The following TAFA4 variants were observed in gnomAD, a reference collection of about 807,000 sequenced individuals.
TAFA4 encodes the protein TAFA chemokine like family member 4.
Under a neutral mutation model 21.1 loss-of-function variants are expected in TAFA4, and 20 were observed. The observed-to-expected ratio is 0.95, with a 90% CI of 0.67 to 1.38. The LOEUF (loss-of-function observed/expected upper bound fraction) is 1.38. Among genes scored for constraint, TAFA4 ranks in the 40% most tolerant of loss-of-function variants. The pLI, the probability that TAFA4 is intolerant of heterozygous loss-of-function variation, is 0.00. For missense variants in TAFA4, 211 were observed against 180.9 expected (o/e 1.17, Z -0.95); for synonymous variants, 71 against 67.4 (o/e 1.05, Z -0.26).
chr3:68,764,770 T>A (rs1702817239), intron 3 of TAFA4, among the ~76,000 whole-genome samples: 1 of 152,108 alleles, frequency 6.6e-6, no homozygotes, highest in Non-Finnish European at 1.5e-5. Flanking sequence ...GGAGAGGAAA[T>A]CAAATGAAGT....
At chr3:68,841,774 C>T (rs1209568749) in intron 3 of TAFA4, among the ~76,000 whole-genome samples, 1 of 152,028 alleles carries the variant, frequency 6.6e-6, no homozygotes, top group African/African-American at 2.4e-5. Context: ...TCAACTCCCA[C>T]TTATGAGTGA....
At chr3:68,858,612 C>T (rs944425754) in intron 3 of TAFA4, among the ~76,000 whole-genome samples, 1 of 96,572 alleles carries the variant, frequency 1.0e-5, no homozygotes, top group Non-Finnish European at 2.2e-5. Flanking sequence ...GTGTGTGTGT[C>T]TTTAAGGCGT....
intron 1 of TAFA4, among the ~76,000 whole-genome samples, chr3:68,897,635 A>T (rs1227196990): frequency 1.4e-5 from 2 of 144,732 alleles, no homozygotes; most frequent in African/African-American, 5.1e-5. Flanking sequence ...TCAAAAAAAA[A>T]AAATATTTAT....
intron 3 of TAFA4, among the ~76,000 whole-genome samples, chr3:68,806,283 G>A (rs7640227): frequency 0.014 from 2,194 of 152,234 alleles, 49 homozygotes; most frequent in African/African-American, 0.05. Flanking sequence ...GTAGATAGAA[G>A]AAGAGACAGT....
At chr3:68,804,724 T>C (rs565521525) in intron 3 of TAFA4, among the ~76,000 whole-genome samples, 5 of 152,182 alleles carry the variant, frequency 3.3e-5, no homozygotes, top group South Asian at 4.1e-4. Context: ...ATTTAATAAA[T>C]GGTGCTGGGA....
chr3:68,744,102 C>T (rs904084884), intron 4 of TAFA4, among the ~76,000 whole-genome samples: 3 of 152,204 alleles, frequency 2.0e-5, no homozygotes, highest in African/African-American at 7.2e-5. Context: ...GTCTTCAAAA[C>T]TCTTCCTCAG....
intron 3 of TAFA4, among the ~76,000 whole-genome samples, chr3:68,777,737 G>C (rs191889372): frequency 6.6e-6 from 1 of 152,068 alleles, no homozygotes; most frequent in African/African-American, 2.4e-5. Flanking sequence ...TGTATCTGTC[G>C]ATGACAGACG....
intron 5 of TAFA4, among the ~76,000 whole-genome samples, chr3:68,737,868 C>G (rs1179433274): frequency 2.6e-5 from 4 of 152,072 alleles, no homozygotes; most frequent in African/African-American, 4.8e-5. Flanking sequence ...CAATGAGAAC[C>G]AAAGACTCAC....
At chr3:68,861,598 G>T (rs1023711268) in intron 3 of TAFA4, among the ~76,000 whole-genome samples, 2 of 151,950 alleles carry the variant, frequency 1.3e-5, no homozygotes, top group Non-Finnish European at 2.9e-5. Context: ...AAGCACCCAA[G>T]GTGCTGCCTG....
intron 3 of TAFA4, among the ~76,000 whole-genome samples, chr3:68,772,205 T>G (rs1236002944): frequency 1.3e-5 from 2 of 152,310 alleles, no homozygotes; most frequent in Admixed American, 1.3e-4. Flanking sequence ...ATCAGATGAT[T>G]GGTAAATGAG....
intron 4 of TAFA4, among the ~76,000 whole-genome samples, chr3:68,742,347 A>T (rs1234610579): frequency 1.3e-5 from 2 of 152,236 alleles, no homozygotes; most frequent in Non-Finnish European, 2.9e-5. Flanking sequence ...GAAAGGAAGA[A>T]GTTAAATTTT....
chr3:68,823,192 G>A (rs115269056), intron 3 of TAFA4, among the ~76,000 whole-genome samples: 2,309 of 152,072 alleles, frequency 0.015, 58 homozygotes, highest in African/African-American at 0.053. Context: ...GGGGAAATGG[G>A]GTGCTGAACT....
intron 1 of TAFA4, among the ~76,000 whole-genome samples, chr3:68,889,475 A>G (rs902364784): frequency 6.6e-6 from 1 of 152,184 alleles, no homozygotes; most frequent in Admixed American, 6.5e-5. Context: ...TGGTGAGGTG[A>G]ATTCCCTCAG....
intron 3 of TAFA4, among the ~76,000 whole-genome samples, chr3:68,835,719 G>A (rs778256758): frequency 6.6e-6 from 1 of 152,192 alleles, no homozygotes; most frequent in African/African-American, 2.4e-5. Context: ...TTAGGTCACT[G>A]GGGGCAAGAA....
intron 3 of TAFA4, among the ~76,000 whole-genome samples, chr3:68,821,704 C>A (rs919593110): frequency 3.9e-5 from 6 of 151,950 alleles, no homozygotes; most frequent in African/African-American, 1.5e-4. Flanking sequence ...GCAATAAACA[C>A]CACTGCTACC....
intron 1 of TAFA4, among the ~76,000 whole-genome samples, chr3:68,917,558 G>C (rs1205272997): frequency 1.3e-5 from 2 of 151,772 alleles, no homozygotes; most frequent in African/African-American, 4.8e-5. Context: ...CTCGAGACCA[G>C]CCTGACCAAT....
intron 3 of TAFA4, among the ~76,000 whole-genome samples, chr3:68,851,405 G>C (rs960796501): frequency 1.3e-5 from 2 of 152,018 alleles, no homozygotes; most frequent in Non-Finnish European, 2.9e-5. Context: ...TTAATACCTA[G>C]GTGATGGGTT....
intron 3 of TAFA4, among the ~76,000 whole-genome samples, chr3:68,758,424 A>G (rs1057167609): frequency 6.6e-6 from 1 of 152,192 alleles, no homozygotes; most frequent in African/African-American, 2.4e-5. Flanking sequence ...GTGATAGTGA[A>G]TAAGTCTCAT....
intron 3 of TAFA4, among the ~76,000 whole-genome samples, chr3:68,758,237 C>T (rs1037457979): frequency 6.6e-6 from 1 of 152,186 alleles, no homozygotes; most frequent in South Asian, 2.1e-4. Context: ...TTGTGTGATT[C>T]CATACAGTCT....
Sources: allele counts gnomAD v4.1 joint callset (sites outside exome capture counted in the v4.1 genomes callset), GRCh38; gene constraint gnomAD v4.1.1; transcripts MANE v1.5; gene names NCBI Gene and HGNC (gene_info 2026-07-23, HGNC 2026-07-21).